Variants in NTRK1 observed in about 807,000 individuals in gnomAD.
NTRK1 encodes neurotrophic receptor tyrosine kinase 1, also known as high affinity nerve growth factor receptor.
Under a neutral mutation model 86.8 loss-of-function variants are expected in NTRK1, and 62 were observed. The ratio of observed to expected loss-of-function variants is 0.71; its 90% CI spans 0.58 to 0.88. The LOEUF (loss-of-function observed/expected upper bound fraction) is 0.88, where lower values mean the gene tolerates loss of function less well. Among genes scored for constraint, NTRK1 ranks in the 40% least tolerant of loss-of-function variants. The probability of loss-of-function intolerance (pLI) is 0.00; values close to 1 mark genes in which losing one functional copy is unlikely to be tolerated. For missense variants in NTRK1, 967 were observed against 1,078.4 expected (o/e 0.90, Z 1.45); for synonymous variants, 469 against 456.6 (o/e 1.03, Z -0.35).
chr1:156,860,705 C>A, upstream of NTRK1: 1 of 738,118 alleles, frequency 1.4e-6, no homozygotes, highest in Non-Finnish European at 1.9e-6. Flanking sequence ...GGGGAGAAGG[C>A]TGACGCTGGG....
chr1:156,880,669 G>A (rs1482401546), intron 16 of NTRK1: 1 of 159,512 alleles, frequency 6.3e-6, no homozygotes, highest in Admixed American at 6.1e-5. Context: ...GCAGCTGTCA[G>A]TTTCCATTTC....
At chr1:156,851,725 G>A in intron 2 of NTRK1, 4 of 1,614,176 alleles carry the variant, frequency 2.5e-6, no homozygotes, top group Admixed American at 1.7e-5. Flanking sequence ...GGATGGAGTC[G>A]ATGGTCTTGG....
chr1:156,875,422 C>A (rs2102914602), intron 11 of NTRK1, 98 bp from the exon 12 acceptor site: 1 of 1,507,162 alleles, frequency 6.6e-7, no homozygotes, highest in Non-Finnish European at 9.2e-7. Flanking sequence ...CTCTCCCCTG[C>A]AAGTTACAAG....
In NTRK1 at chr1:156,874,902, C is replaced by T. The variant is rs2102911831; in HGVS notation, c.1252-4C>T. The T allele has an allele frequency of 1.9e-6, 3 of 1,608,324 alleles. No homozygotes were observed. The highest frequency in any genetic ancestry group is 1.7e-5 in the Admixed American group (1 of 60,010). On this transcript the variant is annotated splice_polypyrimidine_tract_variant and splice_region_variant and intron_variant, in intron 10 of 16. Coordinates refer to ENST00000524377, the MANE Select transcript of NTRK1 (RefSeq NM_002529.4). ...TGGATCTAACTACCCCTGTCCCCCA[C>T]CAGGTCTCGGTGGCTGTGGGCCTGG... is the stretch of plus-strand genomic sequence containing the variant.
rs991568934 is a variant in NTRK1, at chr1:156,875,595, C to A, written c.1430C>A (p.Ser477Tyr). 6.2e-7 allele frequency: 1 copy of A among 1,613,892 alleles called. No homozygotes were observed. Among genetic ancestry groups the A allele is most frequent in the Admixed American group, 1.7e-5 (1 of 60,012 alleles). The change falls in exon 12 of 17, where the codon TCC (serine) becomes TAC (tyrosine). Residue 477 changes from serine (S) to tyrosine (Y), a missense_variant. Around this residue, in one of 2 missense-constraint regions of NTRK1, gnomAD observed 637 missense variants for 776.5 expected, o/e 0.82. Transcript: ENST00000524377. ...HFMTLGGSSL[S>Y]PTEGKGSGLQ... ...ATGACATTGGGTGGCAGCTCCCTGTCCCCCACCGAGGGCAAAGGCTCTGGG... is the reference window on the plus strand; with the variant it reads ...ATGACATTGGGTGGCAGCTCCCTGTACCCCACCGAGGGCAAAGGCTCTGGG...
intron 2 of NTRK1, chr1:156,851,573 T>G: frequency 4.3e-6 from 7 of 1,610,698 alleles, no homozygotes; most frequent in Non-Finnish European, 5.1e-6. Flanking sequence ...CTGAGTTGGG[T>G]CATTGTAAGG....
At chr1:156,845,293 G>A (rs146864258) in intron 2 of NTRK1, 20 of 1,612,758 alleles carry the variant, frequency 1.2e-5, no homozygotes, top group Non-Finnish European at 1.5e-5. Context: ...GCCGCCCTGA[G>A]TCCCTGGGGA....
chr1:156,841,808 G>T (rs1373060971), intron 1 of NTRK1: 1 of 1,614,140 alleles, frequency 6.2e-7, no homozygotes, highest in Non-Finnish European at 8.5e-7. Context: ...GAAAGTGAGG[G>T]TGAGGGTGGA....
chr1:156,881,587 C>G lies in NTRK1; in HGVS notation c.2336C>G (p.Ala779Gly), dbSNP rs1268901114. 3.7e-6 allele frequency: 6 copies of G among 1,611,436 alleles called. No individual in the cohort carries two copies. In the Admixed American group the frequency reaches 5.0e-5, roughly 13 times the overall value. ...QQRHSIKDVH[A>G]RLQALAQAPP... ...CGCCACAGCATCAAGGATGTGCACG[C>G]CCGGCTGCAAGCCCTGGCCCAGGCA... Residue 779 changes from alanine to glycine, a missense_variant, in exon 17 of 17, where the codon GCC becomes GGC. This residue lies in a region of NTRK1 where 637 missense variants were observed against 776.5 expected (regional missense o/e 0.82). Transcript: ENST00000524377.
At chr1:156,818,900 C>A (rs1191494042) in intron 1 of NTRK1, among the ~76,000 whole-genome samples, 1 of 152,184 alleles carries the variant, frequency 6.6e-6, no homozygotes, top group Non-Finnish European at 1.5e-5. Context: ...AATCTCCATA[C>A]TGTTTTTCAT....
chr1:156,849,087 A>G (rs773255345), intron 2 of NTRK1: 54 of 1,603,110 alleles, frequency 3.4e-5, no homozygotes, highest in Non-Finnish European at 4.2e-5. Context: ...CGCGCCTGCC[A>G]GCTGCTTGAG....
intron 1 of NTRK1, among the ~76,000 whole-genome samples, chr1:156,835,731 TAAC>T (rs1654582230): frequency 6.6e-6 from 1 of 152,326 alleles, no homozygotes; most frequent in East Asian, 1.9e-4. Flanking sequence ...CACAACCAGA[TAAC>T]AACGACAATA....
intron 2 of NTRK1, chr1:156,844,080 T>G: frequency 1.2e-6 from 1 of 867,948 alleles, no homozygotes; most frequent in Non-Finnish European, 1.9e-6. Context: ...ATGGAAGACC[T>G]GTCTTTCTAC....
At chr1:156,827,449 A>G (rs571271869) in intron 1 of NTRK1, among the ~76,000 whole-genome samples, 1 of 152,052 alleles carries the variant, frequency 6.6e-6, no homozygotes, top group East Asian at 1.9e-4. Flanking sequence ...TTTAGTAGAG[A>G]CGGGGTTTCA....
rs767306706 is a variant in NTRK1, at chr1:156,815,827, C to G, written c.-75C>G. ...GTAAGGGAGTGAGTGGGCAACTCGG[C>G]GCATGAAGGAGGTACTCCTCATTTT... On this transcript the variant is annotated 5_prime_UTR_variant, in exon 1 of 17. Transcript: ENST00000392302. The G allele has an allele frequency of 5.0e-6, 8 of 1,614,150 alleles. No homozygotes were observed. In the Middle Eastern group the frequency reaches 4.9e-4, roughly 100 times the overall value.
At chr1:156,845,404 C>T in intron 2 of NTRK1, 1 of 1,560,112 alleles carries the variant, frequency 6.4e-7, no homozygotes. Flanking sequence ...ACGTCACCTT[C>T]CAAGGGGATC....
At chr1:156,844,445 A>G (rs754046006) in intron 2 of NTRK1, 1 of 1,610,520 alleles carries the variant, frequency 6.2e-7, no homozygotes, top group East Asian at 2.2e-5. Flanking sequence ...CAGGTCTGTG[A>G]CAGAGGCTGT....
At chr1:156,828,126 A>G (rs935553943) in intron 1 of NTRK1, among the ~76,000 whole-genome samples, 72 of 152,256 alleles carry the variant, frequency 4.7e-4, no homozygotes, top group African/African-American at 1.5e-3. Context: ...AATATATCCA[A>G]TGTTTGAAAA....
At chr1:156,841,290 G>C (rs2102852140) in intron 1 of NTRK1, 2 of 1,174,828 alleles carry the variant, frequency 1.7e-6, no homozygotes, top group Non-Finnish European at 2.5e-6. Flanking sequence ...CTGAGGGTCA[G>C]TGGATGTCAA....
Sources: gnomAD v4.1 joint callset for allele counts (sites outside exome capture counted in the v4.1 genomes callset) on GRCh38, gnomAD v4.1.1 for gene constraint, gnomAD v4.1.1 regional missense constraint, MANE v1.5 for transcripts, NCBI Gene and HGNC (gene_info 2026-07-23, HGNC 2026-07-21) for gene names.